Variants in CD36 observed in about 807,000 individuals in gnomAD.
CD36 encodes CD36 molecule (CD36 blood group).
A neutral mutation model predicts 55.2 loss-of-function variants in CD36; 119 were observed. The observed-to-expected ratio is 2.15, with a 90% CI of 1.86 to 2.51. The LOEUF (loss-of-function observed/expected upper bound fraction) is 2.51. Among genes scored for constraint, CD36 ranks in the 30% most tolerant of loss-of-function variants. The pLI is 0.00. For synonymous variants in CD36, 186 were observed against 193.6 expected (o/e 0.96, Z 0.33); for missense variants, 819 against 555.5 (o/e 1.47, Z -4.77).
intron 3 of CD36, among the ~76,000 whole-genome samples, chr7:80,647,391 C>CAGA (rs955337083): frequency 6.6e-6 from 1 of 152,028 alleles, no homozygotes; most frequent in Non-Finnish European, 1.5e-5. Context: ...ATAATCTCAT[C>CAGA]TCATAAATAT....
At chr7:80,612,664 A>T (rs1236396235) in intron 1 of CD36, among the ~76,000 whole-genome samples, 1 of 152,152 alleles carries the variant, frequency 6.6e-6, no homozygotes, top group Non-Finnish European at 1.5e-5. Context: ...AATAGAAGAG[A>T]TAATCTGACT....
intron 5 of CD36, chr7:80,662,273 A>G (rs1245577597): frequency 2.0e-5 from 3 of 153,064 alleles, no homozygotes; most frequent in East Asian, 1.9e-4. Flanking sequence ...CATTAAAAAA[A>G]GAAGTTTCTT....
chr7:80,666,604 T>C (rs1797117955), intron 8 of CD36, 115 bp downstream of exon 8: 1 of 781,386 alleles, frequency 1.3e-6, no homozygotes, highest in Non-Finnish European at 2.3e-6. Context: ...TGCCTTTATA[T>C]CCCCACAACA....
intron 1 of CD36, among the ~76,000 whole-genome samples, chr7:80,621,825 G>A (rs1793485645): frequency 6.6e-6 from 1 of 152,216 alleles, no homozygotes; most frequent in Non-Finnish European, 1.5e-5. Context: ...TAGGCAGATA[G>A]TGGCAGGTCC....
intron 12 of CD36, chr7:80,673,094 A>AATTAATTTTTGGAATTC (rs1797878299): frequency 1.9e-6 from 1 of 525,928 alleles, no homozygotes; most frequent in African/African-American, 2.0e-5. Flanking sequence ...CTATGACAAT[A>AATTAATTTTTGGAATTC]ATTAATTTTT....
intron 1 of CD36, among the ~76,000 whole-genome samples, chr7:80,610,169 T>C (rs1792797495): frequency 1.3e-5 from 2 of 152,184 alleles, no homozygotes; most frequent in South Asian, 4.1e-4. Context: ...GGCATGAGAA[T>C]GATAAAAAAT....
intron 1 of CD36, among the ~76,000 whole-genome samples, chr7:80,628,049 A>T (rs1020277799): frequency 6.6e-6 from 1 of 151,426 alleles, no homozygotes; most frequent in African/African-American, 2.4e-5. Context: ...TATTAAACAT[A>T]AAAAAACGCA....
At chr7:80,649,939 T>C (rs1398579053) in intron 3 of CD36, among the ~76,000 whole-genome samples, 1 of 152,050 alleles carries the variant, frequency 6.6e-6, no homozygotes, top group Admixed American at 6.6e-5. Flanking sequence ...CTCAGGCAGA[T>C]GAAAATTAAG....
chr7:80,651,383 C>T (rs528125093), intron 3 of CD36, among the ~76,000 whole-genome samples: 1 of 151,772 alleles, frequency 6.6e-6, no homozygotes, highest in African/African-American at 2.4e-5. Flanking sequence ...ACCTCTGACC[C>T]TAAAATAAAA....
intron 1 of CD36, chr7:80,625,040 G>C (rs1031116597): frequency 6.6e-6 from 1 of 152,008 alleles, no homozygotes; most frequent in African/African-American, 2.4e-5. Flanking sequence ...TTTACTTTCA[G>C]GTTAGATAAT....
intron 1 of CD36, among the ~76,000 whole-genome samples, chr7:80,617,162 G>T (rs1490262980): frequency 2.0e-5 from 3 of 152,030 alleles, no homozygotes; most frequent in African/African-American, 7.2e-5. Context: ...ATTTACATGA[G>T]TTCAATTTTT....
chr7:80,603,847 T>C (rs192356785), intron 1 of CD36, among the ~76,000 whole-genome samples: 12 of 151,420 alleles, frequency 7.9e-5, no homozygotes, highest in South Asian at 2.1e-4. Context: ...AGTGGGATGA[T>C]TAAATGGAAG....
At chr7:80,610,629 C>T (rs559452724) in intron 1 of CD36, among the ~76,000 whole-genome samples, 2 of 152,116 alleles carry the variant, frequency 1.3e-5, no homozygotes, top group Admixed American at 6.5e-5. Context: ...GGCTGCAGGG[C>T]GGTGGCGTGA....
At chr7:80,653,482 A>G (rs1437439087) in intron 3 of CD36, among the ~76,000 whole-genome samples, 1 of 152,186 alleles carries the variant, frequency 6.6e-6, no homozygotes, top group South Asian at 2.1e-4. Context: ...CAGTGCTTTC[A>G]ACCCAGCTAT....
intron 1 of CD36, chr7:80,633,087 T>TA (rs1437455018): frequency 6.6e-6 from 1 of 152,066 alleles, no homozygotes; most frequent in African/African-American, 2.4e-5. Context: ...TTTCCTCGAA[T>TA]AATTTCCTAT....
intron 8 of CD36, among the ~76,000 whole-genome samples, chr7:80,669,640 C>T (rs1207540799): frequency 6.6e-6 from 1 of 151,872 alleles, no homozygotes; most frequent in Admixed American, 6.6e-5. Context: ...GGATTACAAG[C>T]GCCTACCACC....
intron 1 of CD36, among the ~76,000 whole-genome samples, chr7:80,617,632 C>T (rs992581126): frequency 1.3e-4 from 19 of 150,768 alleles, no homozygotes; most frequent in Non-Finnish European, 2.7e-4. Context: ...GAGACTGAAG[C>T]TAGAGAATTG....
chr7:80,665,524 G>A (rs1312125251), intron 7 of CD36, among the ~76,000 whole-genome samples: 2 of 148,386 alleles, frequency 1.3e-5, no homozygotes, highest in Non-Finnish European at 3.0e-5. Context: ...AGTCAGTAGA[G>A]GGAAAAAAAC....
At chr7:80,647,068 C>A in intron 3 of CD36, 1 of 516,380 alleles carries the variant, frequency 1.9e-6, no homozygotes, top group Non-Finnish European at 3.5e-6. Context: ...GACTCCATTG[C>A]TGTCTTAAAT....
Sources: allele counts gnomAD v4.1 joint callset (sites outside exome capture counted in the v4.1 genomes callset), GRCh38; gene constraint gnomAD v4.1.1; transcripts MANE v1.5; gene names NCBI Gene and HGNC (gene_info 2026-07-23, HGNC 2026-07-21).